The following TULP3 variants were observed in gnomAD, a reference collection of about 807,000 sequenced individuals.
The protein encoded by TULP3 is TUB like protein 3.
In TULP3, 38 loss-of-function variants were observed where a neutral mutation model predicts 50.7. That is an observed-to-expected ratio of 0.75 (90% CI 0.58 to 0.98). The LOEUF (loss-of-function observed/expected upper bound fraction) is 0.98. Among genes scored for constraint, TULP3 ranks in the 50% least tolerant of loss-of-function variants. The pLI is 0.00. For missense variants in TULP3, 550 were observed against 568.0 expected, an observed-to-expected ratio of 0.97 and a Z score of 0.32; for synonymous variants, 183 against 196.6, an observed-to-expected ratio of 0.93 and a Z score of 0.58.
rs777662918 is a variant in TULP3, at chr12:2,922,306, G to C, written c.298G>C (p.Ala100Pro). The C allele has an allele frequency of 1.2e-6, 2 of 1,613,990 alleles. No individual in the cohort carries two copies. The highest frequency in any genetic ancestry group is 2.7e-5 in the African/African-American group (2 of 74,904). Residue 100 changes from alanine to proline, a missense_variant, in exon 4 of 11, where the codon GCT becomes CCT. By Grantham distance (27) the Ala-to-Pro change is conservative. Transcript: ENST00000448120. ...AAVLKPDEVH[A>P]PSVSSSVVEE... is the part of the protein sequence containing the mutation. ...TGTCCTGAAACCAGACGAAGTTCAT[G>C]CTCCATCAGTAAGCTCCTCTGTTGT...
chr12:2,921,545 A>G (rs2098191768), intron 3 of TULP3, among the ~76,000 whole-genome samples: 3 of 152,136 alleles, frequency 2.0e-5, no homozygotes, highest in Admixed American at 2.0e-4. Flanking sequence ...AGCCGGGAAT[A>G]GGTAGAGAGC....
rs56027951 is a variant in TULP3 at position 2,911,664 on chromosome 12, C to CTTTTT, written c.93+2123_93+2127dup. On this transcript the variant is annotated intron_variant, in intron 2 of 10. Transcript: ENST00000448120. ...ACAGGCGTGAGCCACTGCGCCCAGC[C>CTTTTT]TTTTTTTTTTTTTTTTTTTTTTTTT... 9.6e-3 allele frequency among the ~76,000 whole-genome samples: 366 copies of CTTTTT among 38,158 alleles called. 69 individuals are homozygous for CTTTTT. The highest frequency in any genetic ancestry group is 0.015 in the Non-Finnish European group (291 of 19,586). 25.0% of individuals were successfully genotyped at this position (38,158 alleles called of 152,430 possible). A position where few individuals can be genotyped will look rare whatever the true frequency, so the allele number is the denominator to read the frequency against.
chr12:2,892,295 A>G (rs1410680602), intron 1 of TULP3, among the ~76,000 whole-genome samples: 1 of 151,956 alleles, frequency 6.6e-6, no homozygotes, highest in Non-Finnish European at 1.5e-5. Flanking sequence ...GAAGAAAACT[A>G]CATTTACAGG....
At chr12:2,898,870 G>C (rs2098177129) in intron 1 of TULP3, among the ~76,000 whole-genome samples, 1 of 151,852 alleles carries the variant, frequency 6.6e-6, no homozygotes, top group Non-Finnish European at 1.5e-5. Flanking sequence ...TGTAGAGACG[G>C]GTCTCACTAT....
chr12:2,927,347 A>G (rs2098195262), intron 4 of TULP3, among the ~76,000 whole-genome samples: 1 of 125,082 alleles, frequency 8.0e-6, no homozygotes, highest in African/African-American at 3.1e-5. Context: ...GTATGGACCT[A>G]TGTTTTCAGT....
chr12:2,940,853 T>A lies in TULP3; in HGVS notation c.*1409T>A. ...CCACCAAGTGCCTCCCTCACAGCCA[T>A]GCCCAGAAGCCTCACACCTCGTCAC... On this transcript the variant is annotated 3_prime_UTR_variant, in exon 11 of 11. Coordinates refer to ENST00000448120, the MANE Select transcript of TULP3 (RefSeq NM_003324.5). 1.2e-6 allele frequency: 1 copy of A among 854,920 alleles called. No homozygotes were observed. Among genetic ancestry groups the A allele is most frequent in the South Asian group, 1.8e-5 (1 of 55,500 alleles). The allele number at this position is 854,920 out of a possible 1,614,324, so 53.0% of individuals were successfully genotyped here. A position where few individuals can be genotyped will look rare whatever the true frequency, so the allele number is the denominator to read the frequency against.
chr12:2,927,078 C>T (rs1031934262), intron 4 of TULP3, among the ~76,000 whole-genome samples: 6 of 152,268 alleles, frequency 3.9e-5, no homozygotes, highest in African/African-American at 1.4e-4. Flanking sequence ...TACTTGCTGT[C>T]TCTGTGGATT....
Position 2,920,865 on chromosome 12 carries a change from G to A in TULP3, c.196G>A (p.Asp66Asn). 6.2e-7 allele frequency: 1 copy of A among 1,614,170 alleles called. No homozygotes were observed. Among genetic ancestry groups the A allele is most frequent in the Admixed American group, 1.7e-5 (1 of 60,014 alleles). ...RLRRAKPRAS[D>N]EQTPLVNCHT... ...ACGTCGGGCAAAGCCAAGGGCCAGT[G>A]ATGAGCAGACTCCCTTGGTGAACTG... is the stretch of plus-strand genomic sequence containing the variant. The change falls in exon 3 of 11, where the codon GAT becomes AAT. Residue 66 changes from aspartate to asparagine, a missense_variant. Physicochemically the swap from Asp to Asn is conservative, Grantham distance 23. Coordinates refer to ENST00000448120, the MANE Select transcript of TULP3 (RefSeq NM_003324.5).
chr12:2,901,310 TTC>T lies in TULP3; in HGVS notation c.42-8217_42-8216del, dbSNP rs1283151429. On this transcript the variant is annotated intron_variant, in intron 1 of 10. Transcript: ENST00000448120. ...ATTTTTTTTTTCTTTCTTTCTTTCT[TTC>T]TTTTTTTTTTTTTTTTGGTAGAGAC... is the stretch of plus-strand genomic sequence containing the variant. Among the ~76,000 whole-genome samples, 1,148 of 134,090 alleles carry T rather than the reference TTC, an allele frequency of 8.6e-3. 16 individuals carry two copies. The highest frequency in any genetic ancestry group is 0.031 in the African/African-American group (1,073 of 35,072). The allele number at this position is 134,090 out of a possible 152,430, so 88.0% of individuals were successfully genotyped here. A position where few individuals can be genotyped will look rare whatever the true frequency, so the allele number is the denominator to read the frequency against.
At chr12:2,936,904 G>A (rs372575046) in intron 8 of TULP3, among the ~76,000 whole-genome samples, 211 of 151,662 alleles carry the variant, frequency 1.4e-3, no homozygotes, top group Middle Eastern at 6.8e-3. Flanking sequence ...TCAGGAGATC[G>A]AGACCATCCT....
chr12:2,916,694 T>C (rs1276863225), intron 2 of TULP3, among the ~76,000 whole-genome samples: 1 of 152,202 alleles, frequency 6.6e-6, no homozygotes, highest in Non-Finnish European at 1.5e-5. Flanking sequence ...GAATAGGAAT[T>C]GACATTGTTA....
chr12:2,904,658 A>G (rs1261241775), intron 1 of TULP3, among the ~76,000 whole-genome samples: 1 of 151,012 alleles, frequency 6.6e-6, no homozygotes, highest in Non-Finnish European at 1.5e-5. Context: ...AAAATAGGAA[A>G]TTTTCTTTGA....
intron 4 of TULP3, among the ~76,000 whole-genome samples, chr12:2,925,979 AGTGCTGTTTTGATTAAATTCTAAGAAGT>A (rs2098194465): frequency 6.6e-6 from 1 of 152,154 alleles, no homozygotes; most frequent in Non-Finnish European, 1.5e-5. Context: ...AAACCCATTA[AGTGCTGTTTTGATTAAATTCTAAGAAGT>A]GTCAGTTTGG....
At chr12:2,893,443 C>T (rs1457854112) in intron 1 of TULP3, among the ~76,000 whole-genome samples, 5 of 151,454 alleles carry the variant, frequency 3.3e-5, no homozygotes, top group Admixed American at 2.0e-4. Flanking sequence ...GCCTCAGCCT[C>T]CTGAGTAGCT....
Position 2,940,453 on chromosome 12 carries a change from G to T in TULP3, c.*1009G>T. The T allele has an allele frequency of 6.7e-7, 1 of 1,482,926 alleles. No individual in the cohort carries two copies. The allele number at this position is 1,482,926 out of a possible 1,614,324, so 91.9% of individuals were successfully genotyped here. A position where few individuals can be genotyped will look rare whatever the true frequency, so the allele number is the denominator to read the frequency against. On this transcript the variant is annotated 3_prime_UTR_variant, in exon 11 of 11. Transcript: ENST00000448120. ...CCTCAACCCTGGCTCAGGCACAGAA[G>T]GTGTTTTGCTACGTTTTTTTGATTA...
chr12:2,918,642 G>A (rs1377091609), intron 2 of TULP3, among the ~76,000 whole-genome samples: 1 of 152,032 alleles, frequency 6.6e-6, no homozygotes, highest in African/African-American at 2.4e-5. Context: ...CCAGGCTCAA[G>A]CGATTCTCCC....
intron 9 of TULP3, 70 bp downstream of exon 9, chr12:2,937,799 CAAAA>C: frequency 4.4e-5 from 32 of 720,318 alleles, no homozygotes; most frequent in Admixed American, 1.8e-4. Context: ...GAGATTAATA[CAAAA>C]AAAAAAAAAA....
Position 2,937,714 on chromosome 12 carries a change from C to G in TULP3, c.1008C>G (p.Pro336=), listed in dbSNP as rs1052987187. The G allele has an allele frequency of 2.2e-5, 36 of 1,612,278 alleles. No individual in the cohort carries two copies. The Admixed American group carries it at 4.2e-4, about 19-fold the overall frequency. The part of the protein sequence containing the change: ...PGMTLNHKQI[P]YQPQNNHDSL... ...TGACACTGAATCATAAGCAGATCCC[C>G]TATCAGCCACAAAACGTGAGTAAGA... The change falls in exon 9 of 11, where the codon CCC becomes CCG. Residue 336 remains proline, a synonymous_variant. Transcript: ENST00000448120.
chr12:2,922,213 G>GAAT (rs1565504174), intron 3 of TULP3, 49 bp from the exon 4 acceptor site: 1 of 1,593,044 alleles, frequency 6.3e-7, no homozygotes, highest in East Asian at 2.2e-5. Flanking sequence ...CCCAACTAGT[G>GAAT]AATAATACTT....
Sources: allele counts gnomAD v4.1 joint callset (sites outside exome capture counted in the v4.1 genomes callset), GRCh38; gene constraint gnomAD v4.1.1; transcripts MANE v1.5; gene names NCBI Gene and HGNC (gene_info 2026-07-23, HGNC 2026-07-21).